Variants in ATOSA observed in about 807,000 individuals in gnomAD.
The protein encoded by ATOSA is atos homolog protein A.
chr15:52,592,332 A>G, the ATOSA span, among the ~76,000 whole-genome samples: 1 of 152,224 alleles, frequency 6.6e-6, no homozygotes, highest in Non-Finnish European at 1.5e-5. Context: ...ACCTAAAATG[A>G]AAACCCAGAT....
chr15:52,709,310 T>C, the ATOSA span, among the ~76,000 whole-genome samples: 1 of 152,170 alleles, frequency 6.6e-6, no homozygotes, highest in African/African-American at 2.4e-5. Flanking sequence ...TGCAAAATCA[T>C]TGGCTTTTGC....
At chr15:52,673,025 A>G in the ATOSA span, among the ~76,000 whole-genome samples, 1 of 152,370 alleles carries the variant, frequency 6.6e-6, no homozygotes, top group Middle Eastern at 3.4e-3. Flanking sequence ...TATACAAAAC[A>G]TGCAGCTGAA....
At chr15:52,688,152 G>A in the ATOSA span, among the ~76,000 whole-genome samples, 1 of 152,212 alleles carries the variant, frequency 6.6e-6, no homozygotes, top group South Asian at 2.1e-4. Flanking sequence ...GGTTTGTTAT[G>A]CATCATTGTT....
chr15:52,593,595 C>T, the ATOSA span: 1 of 1,571,890 alleles, frequency 6.4e-7, no homozygotes, highest in Non-Finnish European at 8.6e-7. Context: ...GGAGAGGGAG[C>T]ATTGTCATCT....
At chr15:52,595,472 G>T in the ATOSA span, among the ~76,000 whole-genome samples, 9 of 151,742 alleles carry the variant, frequency 5.9e-5, no homozygotes, top group Non-Finnish European at 8.8e-5. Context: ...GACTTTATCT[G>T]AGATATTTTA....
At chr15:52,700,206 G>T in the ATOSA span, among the ~76,000 whole-genome samples, 2 of 152,034 alleles carry the variant, frequency 1.3e-5, no homozygotes, top group Admixed American at 1.3e-4. Context: ...ATTAAAATTT[G>T]CTTGTCAATA....
chr15:52,690,431 C>T, the ATOSA span, among the ~76,000 whole-genome samples: 3 of 152,094 alleles, frequency 2.0e-5, no homozygotes, highest in East Asian at 1.9e-4. Flanking sequence ...TCATGGTTTC[C>T]GAATATATTA....
chr15:52,653,284 C>G, the ATOSA span, among the ~76,000 whole-genome samples: 3 of 152,082 alleles, frequency 2.0e-5, no homozygotes, highest in Non-Finnish European at 4.4e-5. Context: ...AGTGAGAAGC[C>G]ACAAATAGCA....
the ATOSA span, chr15:52,587,442 C>A: frequency 2.7e-6 from 1 of 375,202 alleles, no homozygotes; most frequent in Non-Finnish European, 4.8e-6. Flanking sequence ...ACATCAATGG[C>A]CACAGCACTC....
chr15:52,696,145 T>C, the ATOSA span, among the ~76,000 whole-genome samples: 1 of 152,102 alleles, frequency 6.6e-6, no homozygotes, highest in Non-Finnish European at 1.5e-5. Flanking sequence ...GGGAGACACA[T>C]GGAAACTAAC....
chr15:52,588,686 A>C, the ATOSA span, among the ~76,000 whole-genome samples: 1 of 152,156 alleles, frequency 6.6e-6, no homozygotes, highest in Admixed American at 6.5e-5. Context: ...TCCTGACCTC[A>C]GGTGATCCAC....
the ATOSA span, among the ~76,000 whole-genome samples, chr15:52,632,975 C>T: frequency 6.6e-6 from 1 of 152,020 alleles, no homozygotes; most frequent in Non-Finnish European, 1.5e-5. Context: ...GTAAGTAAAA[C>T]ATTCACTGTA....
chr15:52,684,931 A>C, the ATOSA span, among the ~76,000 whole-genome samples: 1 of 152,236 alleles, frequency 6.6e-6, no homozygotes, highest in South Asian at 2.1e-4. Flanking sequence ...TGTAAGTATA[A>C]AATATACAGC....
chr15:52,645,321 C>A, the ATOSA span, among the ~76,000 whole-genome samples: 1 of 152,142 alleles, frequency 6.6e-6, no homozygotes, highest in Non-Finnish European at 1.5e-5. Context: ...TGCTTGTAAT[C>A]CCAGCTACTT....
At chr15:52,694,288 T>C in the ATOSA span, among the ~76,000 whole-genome samples, 4 of 151,872 alleles carry the variant, frequency 2.6e-5, no homozygotes, top group Non-Finnish European at 5.9e-5. Context: ...TGCCTCAGCC[T>C]CCCAAGTAGC....
At chr15:52,596,567 G>T in the ATOSA span, among the ~76,000 whole-genome samples, 1 of 152,176 alleles carries the variant, frequency 6.6e-6, no homozygotes, top group African/African-American at 2.4e-5. Flanking sequence ...TGTGACCTTG[G>T]GTTGGGCCAG....
At chr15:52,639,649 C>T in the ATOSA span, among the ~76,000 whole-genome samples, 1 of 152,158 alleles carries the variant, frequency 6.6e-6, no homozygotes, top group African/African-American at 2.4e-5. Flanking sequence ...TAACTGCTTT[C>T]TGGTTTGTGC....
At chr15:52,598,124 A>AAAACAAAC in the ATOSA span, among the ~76,000 whole-genome samples, 2 of 152,218 alleles carry the variant, frequency 1.3e-5, no homozygotes, top group East Asian at 1.9e-4. Context: ...ACTCTGTCTC[A>AAAACAAAC]AAACAAACAA....
chr15:52,686,633 A>G, the ATOSA span, among the ~76,000 whole-genome samples: 49 of 152,346 alleles, frequency 3.2e-4, no homozygotes, highest in African/African-American at 1.2e-3. Context: ...TGCTTCTATC[A>G]GAACCCCAAA....
Sources: allele counts gnomAD v4.1 joint callset (sites outside exome capture counted in the v4.1 genomes callset), GRCh38; gene constraint gnomAD v4.1.1; transcripts MANE v1.5; gene names NCBI Gene and HGNC (gene_info 2026-07-23, HGNC 2026-07-21).